Variants in EBF1 observed in about 807,000 individuals in gnomAD.
EBF1 encodes transcription factor COE1.
A neutral mutation model predicts 68.4 loss-of-function variants in EBF1; 10 were observed. The ratio of observed to expected loss-of-function variants is 0.15; its 90% CI spans 0.09 to 0.25. The LOEUF (loss-of-function observed/expected upper bound fraction) is 0.25, where lower values mean the gene tolerates loss of function less well. Among genes scored for constraint, EBF1 ranks in the 10% least tolerant of loss-of-function variants. The pLI, the probability that EBF1 is intolerant of heterozygous loss-of-function variation, is 1.00. For missense variants in EBF1, 509 were observed against 794.4 expected, an observed-to-expected ratio of 0.64 and a Z score of 4.32; for synonymous variants, 298 against 299.8, an observed-to-expected ratio of 0.99 and a Z score of 0.06.
chr5:158,767,961 TGGG>T (rs1420417810), intron 10 of EBF1, among the ~76,000 whole-genome samples: 2 of 152,100 alleles, frequency 1.3e-5, no homozygotes, highest in African/African-American at 4.8e-5. Context: ...CAGCACGTGG[TGGG>T]TCCCGGGAAG....
intron 6 of EBF1, among the ~76,000 whole-genome samples, chr5:158,893,785 G>A (rs1801645694): frequency 6.6e-6 from 1 of 152,136 alleles, no homozygotes; most frequent in Non-Finnish European, 1.5e-5. Context: ...AAGTTACTCT[G>A]CATAAATCCA....
chr5:158,889,425 T>G (rs1165139633), intron 6 of EBF1, among the ~76,000 whole-genome samples: 1 of 152,116 alleles, frequency 6.6e-6, no homozygotes, highest in African/African-American at 2.4e-5. Context: ...AAAAATAAAT[T>G]TGTACAAGTC....
intron 5 of EBF1, among the ~76,000 whole-genome samples, chr5:159,080,311 A>C (rs1398884171): frequency 6.6e-6 from 1 of 152,166 alleles, no homozygotes; most frequent in African/African-American, 2.4e-5. Flanking sequence ...CCTTTGCCTC[A>C]ACCTCTCATC....
At chr5:158,730,575 G>T (rs140984268) in intron 11 of EBF1, among the ~76,000 whole-genome samples, 1 of 152,286 alleles carries the variant, frequency 6.6e-6, no homozygotes, top group African/African-American at 2.4e-5. Context: ...CCAATCTCAA[G>T]ATCTACCAAA....
chr5:158,920,783 C>A (rs1808245854), intron 6 of EBF1, among the ~76,000 whole-genome samples: 1 of 152,078 alleles, frequency 6.6e-6, no homozygotes, highest in South Asian at 2.1e-4. Context: ...GTCAATCACA[C>A]CTCATAGATA....
intron 10 of EBF1, among the ~76,000 whole-genome samples, chr5:158,764,243 A>C (rs148703545): frequency 2.0e-5 from 3 of 152,302 alleles, no homozygotes; most frequent in Non-Finnish European, 4.4e-5. Context: ...GCCTAAGGAA[A>C]ATATATGTAG....
At chr5:159,066,718 T>G (rs1331708928) in intron 6 of EBF1, among the ~76,000 whole-genome samples, 1 of 152,154 alleles carries the variant, frequency 6.6e-6, no homozygotes, top group Non-Finnish European at 1.5e-5. Context: ...ACTGTAACGT[T>G]AAAACCTTCT....
At chr5:158,956,383 A>AGTT (rs1418010754) in intron 6 of EBF1, among the ~76,000 whole-genome samples, 1 of 152,132 alleles carries the variant, frequency 6.6e-6, no homozygotes, top group African/African-American at 2.4e-5. Flanking sequence ...CTCAAAAAGA[A>AGTT]GTTCAAGAGG....
intron 6 of EBF1, among the ~76,000 whole-genome samples, chr5:159,030,024 G>GA (rs1768457454): frequency 6.6e-6 from 1 of 150,522 alleles, no homozygotes; most frequent in African/African-American, 2.4e-5. Flanking sequence ...AGTTGAAAAT[G>GA]AAAAAACCTC....
At chr5:159,016,020 T>C (rs1765554219) in intron 6 of EBF1, among the ~76,000 whole-genome samples, 1 of 152,242 alleles carries the variant, frequency 6.6e-6, no homozygotes, top group African/African-American at 2.4e-5. Context: ...CTAACTATCC[T>C]GTCTTTAAGA....
intron 10 of EBF1, among the ~76,000 whole-genome samples, chr5:158,742,509 T>C (rs2127573477): frequency 6.6e-6 from 1 of 152,376 alleles, no homozygotes; most frequent in East Asian, 1.9e-4. Flanking sequence ...ATAGGCCATG[T>C]GCTAGAAACA....
intron 6 of EBF1, among the ~76,000 whole-genome samples, chr5:158,916,512 G>T (rs1339450613): frequency 6.6e-6 from 1 of 152,106 alleles, no homozygotes; most frequent in Non-Finnish European, 1.5e-5. Context: ...TTTAAGTCAT[G>T]AAATACTTAA....
chr5:158,894,694 C>T lies in EBF1; in HGVS notation c.555-54584G>A, dbSNP rs190697517. On this transcript the variant is annotated intron_variant, in intron 6 of 15. Coordinates refer to ENST00000313708, the MANE Select transcript of EBF1 (RefSeq NM_024007.5). The stretch of plus-strand genomic sequence containing the variant: ...TGGCAGAAGAAATATAGGAACTTGG[C>T]CATTTACTGTGTCACCTGGACAGGT... 2.4e-3 allele frequency among the ~76,000 whole-genome samples: 367 copies of T among 152,260 alleles called. 1 individual carries two copies. The highest frequency in any genetic ancestry group is 8.2e-3 in the African/African-American group (342 of 41,554).
chr5:158,704,676 TA>T (rs1472669049), intron 15 of EBF1, among the ~76,000 whole-genome samples: 11 of 152,028 alleles, frequency 7.2e-5, no homozygotes, highest in Non-Finnish European at 1.5e-4. Context: ...AAAGATGAAG[TA>T]ATTCTCTGAA....
At chr5:158,888,712 G>A (rs556208800) in intron 6 of EBF1, among the ~76,000 whole-genome samples, 5 of 152,052 alleles carry the variant, frequency 3.3e-5, no homozygotes, top group African/African-American at 1.2e-4. Flanking sequence ...TTTGTGTCTC[G>A]ATATGAATTT....
intron 15 of EBF1, among the ~76,000 whole-genome samples, chr5:158,700,122 T>C (rs1756415518): frequency 6.6e-6 from 1 of 150,786 alleles, no homozygotes; most frequent in Non-Finnish European, 1.5e-5. Context: ...GCTGCTGGGA[T>C]TTTTAACCCA....
rs72810390 is a variant in EBF1, at chr5:158,785,680, T to A, written c.910-8141A>T. 1.3e-3 allele frequency among the ~76,000 whole-genome samples: 200 copies of A among 152,324 alleles called. 2 individuals are homozygous for A. The highest frequency in any genetic ancestry group is 2.5e-3 in the Non-Finnish European group (170 of 68,020). On this transcript the variant is annotated intron_variant, in intron 9 of 15. Coordinates refer to ENST00000313708, the MANE Select transcript of EBF1 (RefSeq NM_024007.5). Reference sequence around the variant, plus strand: ...CCGATGTTTACCAAAATATGCTGAGTCACATGAATCCTTAAAGATAAACTT... The same window carrying A: ...CCGATGTTTACCAAAATATGCTGAGACACATGAATCCTTAAAGATAAACTT...
At chr5:158,964,488 C>T (rs958594665) in intron 6 of EBF1, among the ~76,000 whole-genome samples, 2 of 152,006 alleles carry the variant, frequency 1.3e-5, no homozygotes, top group Admixed American at 1.3e-4. Flanking sequence ...GAATTCAACT[C>T]AGTCAGACAA....
chr5:158,975,061 T>C (rs1756456885), intron 6 of EBF1, among the ~76,000 whole-genome samples: 1 of 152,200 alleles, frequency 6.6e-6, no homozygotes, highest in Admixed American at 6.5e-5. Context: ...TGGTCACTGA[T>C]GAGACATTCT....
Sources: allele counts gnomAD v4.1 joint callset (sites outside exome capture counted in the v4.1 genomes callset), GRCh38; gene constraint gnomAD v4.1.1; transcripts MANE v1.5; gene names NCBI Gene and HGNC (gene_info 2026-07-23, HGNC 2026-07-21).